The following CD8B2 variants were observed in gnomAD, a reference collection of about 807,000 sequenced individuals.
CD8B2 encodes the protein CD8B family member 2.
Under a neutral mutation model 23.7 loss-of-function variants are expected in CD8B2, and 11 were observed. That is an observed-to-expected ratio of 0.46 (90% confidence interval 0.29 to 0.77). The LOEUF is 0.77. Ranked by LOEUF, CD8B2 falls within the 30% of genes least tolerant of loss-of-function variation. The pLI, the probability that CD8B2 is intolerant of heterozygous loss-of-function variation, is 0.09. For missense variants in CD8B2, 197 were observed against 270.5 expected, an observed-to-expected ratio of 0.73 and a Z score of 1.91; for synonymous variants, 90 against 109.3, an observed-to-expected ratio of 0.82 and a Z score of 1.10.
intron 3 of CD8B2, among the ~76,000 whole-genome samples, chr2:106,497,880 C>G (rs1194490651): frequency 6.6e-6 from 1 of 152,158 alleles, no homozygotes; most frequent in Non-Finnish European, 1.5e-5. Flanking sequence ...GGCACAAGAA[C>G]TGGTTGTGTG....
intron 5 of CD8B2, among the ~76,000 whole-genome samples, chr2:106,528,060 C>A (rs1679939847): frequency 6.6e-6 from 1 of 152,200 alleles, no homozygotes; most frequent in Admixed American, 6.5e-5. Context: ...GTGAGCAGGG[C>A]TGGCCGGGCA....
At chr2:106,511,519 A>AG (rs1175398997), downstream of CD8B2, among the ~76,000 whole-genome samples, 14 of 150,374 alleles carry the variant, frequency 9.3e-5, no homozygotes, top group Non-Finnish European at 1.8e-4. Context: ...CAAAAGAAGA[A>AG]GGGGGGTCCT....
chr2:106,501,711 C>T (rs111749463), intron 3 of CD8B2, among the ~76,000 whole-genome samples: 2,339 of 151,964 alleles, frequency 0.015, 48 homozygotes, highest in African/African-American at 0.053. Flanking sequence ...ACGAACAAAC[C>T]CTATATGTAT....
chr2:106,499,550 A>C (rs1402786673), intron 3 of CD8B2, among the ~76,000 whole-genome samples: 3 of 151,296 alleles, frequency 2.0e-5, no homozygotes, highest in African/African-American at 7.3e-5. Context: ...AAAAAAAAAA[A>C]ACCTTAGTTG....
intron 5 of CD8B2, among the ~76,000 whole-genome samples, chr2:106,542,341 T>C (rs1680187836): frequency 6.6e-6 from 1 of 152,244 alleles, no homozygotes; most frequent in African/African-American, 2.4e-5. Flanking sequence ...GAGTGACTTA[T>C]ACACATATGA....
At chr2:106,539,462 T>C (rs1177117296) in intron 5 of CD8B2, among the ~76,000 whole-genome samples, 2 of 152,214 alleles carry the variant, frequency 1.3e-5, no homozygotes, top group Admixed American at 6.5e-5. Context: ...GGAAAGTTGA[T>C]GTACTTGGGA....
intron 5 of CD8B2, among the ~76,000 whole-genome samples, chr2:106,539,571 G>T (rs1025376317): frequency 6.6e-6 from 1 of 152,142 alleles, no homozygotes; most frequent in Non-Finnish European, 1.5e-5. Flanking sequence ...CAGCTTCTGG[G>T]CATCATTGCT....
chr2:106,521,023 G>GGAGGGA (rs1553468233), intron 5 of CD8B2, among the ~76,000 whole-genome samples: 2 of 130,472 alleles, frequency 1.5e-5, no homozygotes, highest in East Asian at 2.3e-4. Context: ...ATGTTTTAAG[G>GGAGGGA]GAGAGAGAGA....
At chr2:106,523,982 T>C (rs1679869753) in intron 5 of CD8B2, among the ~76,000 whole-genome samples, 1 of 152,206 alleles carries the variant, frequency 6.6e-6, no homozygotes, top group Admixed American at 6.5e-5. Context: ...TAAATTTCTA[T>C]GCTTATTCAA....
At chr2:106,495,378 C>T (rs1004880317) in intron 2 of CD8B2, among the ~76,000 whole-genome samples, 12 of 151,934 alleles carry the variant, frequency 7.9e-5, no homozygotes, top group East Asian at 7.8e-4. Flanking sequence ...AAAAATTAGA[C>T]GAATGCAGTG....
At chr2:106,511,402 T>C (rs532047070), downstream of CD8B2, among the ~76,000 whole-genome samples, 1 of 152,198 alleles carries the variant, frequency 6.6e-6, no homozygotes, top group African/African-American at 2.4e-5. Context: ...TGTGTTTTTC[T>C]GTGGACCTTA....
chr2:106,512,191 T>A (rs192055906), downstream of CD8B2, among the ~76,000 whole-genome samples: 166 of 152,172 alleles, frequency 1.1e-3, no homozygotes, highest in Non-Finnish European at 1.7e-3. Context: ...TCCTTGCACC[T>A]CAGCCTCCTG....
chr2:106,528,571 A>G (rs1409103430), intron 5 of CD8B2, among the ~76,000 whole-genome samples: 1 of 152,372 alleles, frequency 6.6e-6, no homozygotes, highest in East Asian at 1.9e-4. Flanking sequence ...CTCAAAGGAG[A>G]ATCTGCAGTC....
At chr2:106,538,156 C>T (rs1680117326) in intron 5 of CD8B2, 1 of 152,148 alleles carries the variant, frequency 6.6e-6, no homozygotes, top group Non-Finnish European at 1.5e-5. Context: ...TGCAAGCTTC[C>T]TCATGGTGGC....
intron 5 of CD8B2, among the ~76,000 whole-genome samples, chr2:106,542,786 A>G (rs1031039181): frequency 7.3e-5 from 11 of 151,158 alleles, no homozygotes; most frequent in African/African-American, 2.7e-4. Flanking sequence ...ATATAAAAGT[A>G]TATACATTTT....
chr2:106,526,420 C>A (rs1450830441), intron 5 of CD8B2, among the ~76,000 whole-genome samples: 1 of 152,120 alleles, frequency 6.6e-6, no homozygotes, highest in Non-Finnish European at 1.5e-5. Flanking sequence ...GCCATTTACC[C>A]CTGACATGCC....
intron 5 of CD8B2, among the ~76,000 whole-genome samples, chr2:106,523,287 C>T (rs1341361089): frequency 6.6e-6 from 1 of 152,192 alleles, no homozygotes; most frequent in Non-Finnish European, 1.5e-5. Flanking sequence ...AACTTCCTTA[C>T]TATCCTGTTC....
chr2:106,492,275 G>A (rs373321912), intron 2 of CD8B2, among the ~76,000 whole-genome samples: 9 of 152,190 alleles, frequency 5.9e-5, no homozygotes, highest in East Asian at 1.9e-4. Context: ...TCCAGCAGAC[G>A]CACATTTCAA....
chr2:106,513,167 G>A (rs1254462380), downstream of CD8B2, among the ~76,000 whole-genome samples: 6 of 150,366 alleles, frequency 4.0e-5, no homozygotes, highest in Admixed American at 6.6e-5. Flanking sequence ...AGGACCACTC[G>A]GGATGTTTAC....
Sources: allele counts gnomAD v4.1 joint callset (sites outside exome capture counted in the v4.1 genomes callset), GRCh38; gene constraint gnomAD v4.1.1; transcripts MANE v1.5; gene names NCBI Gene and HGNC (gene_info 2026-07-23, HGNC 2026-07-21).